CDC14A: variants seen among roughly 807,000 people sequenced by gnomAD.
CDC14A encodes the protein dual specificity protein phosphatase CDC14A.
Under a neutral mutation model 74.4 loss-of-function variants are expected in CDC14A, and 53 were observed. The observed-to-expected ratio is 0.71, with a 90% CI of 0.57 to 0.89. The LOEUF is 0.89. CDC14A is among the 40% of genes least tolerant of loss of function. The pLI is 0.00. For synonymous variants in CDC14A, 247 were observed against 258.4 expected (o/e 0.96, Z 0.43); for missense variants, 646 against 713.7 (o/e 0.91, Z 1.08).
At chr1:100,407,684 A>T (rs111349731) in intron 4 of CDC14A, among the ~76,000 whole-genome samples, 98 of 152,152 alleles carry the variant, frequency 6.4e-4, no homozygotes, top group African/African-American at 1.7e-3. Flanking sequence ...CTATTTGAAT[A>T]CCCTTTATTT....
At chr1:100,452,695 T>G (rs1666269792) in intron 7 of CDC14A, among the ~76,000 whole-genome samples, 1 of 152,220 alleles carries the variant, frequency 6.6e-6, no homozygotes. Context: ...TTATTTTGGA[T>G]TTTTCTTACA....
rs1037631227 is a variant in CDC14A, at chr1:100,352,827, C to T, written c.-128C>T. On this transcript the variant is annotated 5_prime_UTR_variant, in exon 1 of 16. Transcript: ENST00000336454. ...CCGCCTCCGCCTTCGGCGCCTGCTG[C>T]CTCCCTCGGCCAGGCTTGTTGTTCG... 4.7e-6 allele frequency: 7 copies of T among 1,496,958 alleles called. No individual in the cohort carries two copies. Among genetic ancestry groups the T allele is most frequent in the Admixed American group, 5.0e-5 (2 of 40,126 alleles). 92.7% of individuals were successfully genotyped at this position (1,496,958 alleles called of 1,614,324 possible).
At chr1:100,507,745 C>CCTCCACCTCCCAGGTT (rs1212694538) in intron 15 of CDC14A, among the ~76,000 whole-genome samples, 9 of 152,216 alleles carry the variant, frequency 5.9e-5, no homozygotes, top group African/African-American at 1.9e-4. Flanking sequence ...CTCACTGCAA[C>CCTCCACCTCCCAGGTT]CTCCACCTCC....
Position 100,508,129 on chromosome 1 carries a change from A to C in CDC14A, c.1755+8867A>C, listed in dbSNP as rs1649402014. ...TTCGTGAATTTTCTTTAATGTGTCC[A>C]TTCTGGAGTATATCCCCCAATCCAC... On this transcript the variant is annotated intron_variant, in intron 15 of 15. Transcript: ENST00000336454. The surrounding 1 kb of genome is among the most constrained non-coding windows in gnomAD (Gnocchi z 4.4). 6.6e-6 allele frequency among the ~76,000 whole-genome samples: 1 copy of C among 152,036 alleles called. No homozygotes were observed. Among genetic ancestry groups the C allele is most frequent in the Non-Finnish European group, 1.5e-5 (1 of 68,000 alleles).
At chr1:100,428,364 C>T (rs1663204980) in intron 5 of CDC14A, among the ~76,000 whole-genome samples, 1 of 152,106 alleles carries the variant, frequency 6.6e-6, no homozygotes, top group African/African-American at 2.4e-5. Context: ...TTAAGAGTGA[C>T]TTTAGGTGAA....
intron 11 of CDC14A, among the ~76,000 whole-genome samples, chr1:100,493,331 A>T (rs1481695224): frequency 6.6e-6 from 1 of 151,912 alleles, no homozygotes; most frequent in Admixed American, 6.6e-5. Flanking sequence ...TATTCAGGAA[A>T]CTCTGGCTCT....
rs778630946 is a variant in CDC14A, at chr1:100,518,279, A to G, written c.1784A>G (p.Ter595=). Residue 595 remains the stop codon, a stop_retained_variant, in exon 16 of 16, where the codon TAA becomes TGA. Coordinates refer to ENST00000336454, the MANE Select transcript of CDC14A (RefSeq NM_003672.4). ...CTTCAGTCTGAATATGTTCATTACT[A>G]AGGCCTTGCCACTCCAGTGAAAGCT... ...PSLQSEYVHY[*] The G allele has an allele frequency of 6.2e-7, 1 of 1,610,398 alleles. No individual in the cohort carries two copies. The highest frequency in any genetic ancestry group is 8.5e-7 in the Non-Finnish European group (1 of 1,176,920).
At chr1:100,370,329 T>G (rs1654295526) in intron 2 of CDC14A, among the ~76,000 whole-genome samples, 1 of 151,230 alleles carries the variant, frequency 6.6e-6, no homozygotes, top group Non-Finnish European at 1.5e-5. Context: ...CCTTTGTTGC[T>G]CAGGCTAGTC....
chr1:100,445,113 A>C (rs1055230171), intron 7 of CDC14A, among the ~76,000 whole-genome samples: 3 of 152,242 alleles, frequency 2.0e-5, no homozygotes, highest in African/African-American at 7.2e-5. Flanking sequence ...GAATTGAGCT[A>C]TACCACTTAT....
At chr1:100,378,609 A>G (rs1655641670) in intron 3 of CDC14A, among the ~76,000 whole-genome samples, 1 of 152,198 alleles carries the variant, frequency 6.6e-6, no homozygotes, top group African/African-American at 2.4e-5. Flanking sequence ...TGAATTTACA[A>G]ATTTTTGCCA....
intron 2 of CDC14A, among the ~76,000 whole-genome samples, chr1:100,367,996 G>C (rs1387792498): frequency 6.6e-6 from 1 of 152,144 alleles, no homozygotes; most frequent in African/African-American, 2.4e-5. Flanking sequence ...GTCCCAACTG[G>C]CTTTTTGGAA....
chr1:100,489,579 C>T lies in CDC14A; in HGVS notation c.1137+5128C>T, dbSNP rs941775458. Reference sequence around the variant, plus strand: ...TTTGTTCTTTCACTAGGTCATCACTCATGTTTTTTTTTTTTAATTGTACTT... The same window carrying T: ...TTTGTTCTTTCACTAGGTCATCACTTATGTTTTTTTTTTTTAATTGTACTT... On this transcript the variant is annotated intron_variant, in intron 11 of 15. Transcript: ENST00000336454. Among the ~76,000 whole-genome samples the T allele has an allele frequency of 3.3e-4, 16 of 49,080 alleles. 1 individual carries two copies. Among genetic ancestry groups the T allele is most frequent in the Admixed American group, 6.6e-4 (2 of 3,030 alleles). 32.2% of individuals were successfully genotyped at this position (49,080 alleles called of 152,430 possible).
At chr1:100,477,549 C>T (rs918792367) in intron 10 of CDC14A, among the ~76,000 whole-genome samples, 2 of 151,742 alleles carry the variant, frequency 1.3e-5, no homozygotes, top group African/African-American at 4.8e-5. Flanking sequence ...GAGACAAGGA[C>T]TTATCAAAAG....
chr1:100,420,063 C>CACACACACACAT, intron 4 of CDC14A, among the ~76,000 whole-genome samples: 3 of 61,598 alleles, frequency 4.9e-5, no homozygotes, highest in Admixed American at 2.3e-4. Flanking sequence ...CACACACACA[C>CACACACACACAT]ATATATATAT....
intron 10 of CDC14A, among the ~76,000 whole-genome samples, chr1:100,483,523 T>G (rs1161715860): frequency 3.3e-5 from 5 of 152,220 alleles, no homozygotes; most frequent in Admixed American, 2.6e-4. Context: ...TTCTATTCTG[T>G]ACAGTGTGTT....
intron 9 of CDC14A, among the ~76,000 whole-genome samples, 188 bp downstream of exon 9, chr1:100,463,069 A>G (rs992304467): frequency 6.6e-6 from 1 of 152,198 alleles, no homozygotes; most frequent in African/African-American, 2.4e-5. Flanking sequence ...GGTGTGGACA[A>G]TTGGTGGTGG....
chr1:100,479,076 A>G (rs1669198195), intron 10 of CDC14A, among the ~76,000 whole-genome samples: 1 of 152,214 alleles, frequency 6.6e-6, no homozygotes, highest in Non-Finnish European at 1.5e-5. Flanking sequence ...TGGTGCCAAT[A>G]GTATTTCGTA....
rs1649458613 is a variant in CDC14A, at chr1:100,508,745, G to C, written c.1755+9483G>C. 6.6e-6 allele frequency among the ~76,000 whole-genome samples: 1 copy of C among 152,132 alleles called. No homozygotes were observed. The highest frequency in any genetic ancestry group is 2.4e-5 in the African/African-American group (1 of 41,424). ...GAGCCTGACTCCACCCCTGATTTCA[G>C]GCCAGGGGCTTTCGACCTATGTACC... On this transcript the variant is annotated intron_variant, in intron 15 of 15. Coordinates refer to ENST00000336454, the MANE Select transcript of CDC14A (RefSeq NM_003672.4). The surrounding 1 kb of genome is among the most constrained non-coding windows in gnomAD (Gnocchi z 4.4).
At chr1:100,348,568 T>C (rs186613366), upstream of CDC14A, among the ~76,000 whole-genome samples, 13 of 152,302 alleles carry the variant, frequency 8.5e-5, no homozygotes, top group East Asian at 1.7e-3. Flanking sequence ...TAGTAAGCAA[T>C]TGGACAAATG....
Sources: gnomAD v4.1 joint callset for allele counts (sites outside exome capture counted in the v4.1 genomes callset) on GRCh38, gnomAD v4.1.1 for gene constraint, Gnocchi (gnomAD v3.1) non-coding constraint, MANE v1.5 for transcripts, NCBI Gene and HGNC (gene_info 2026-07-23, HGNC 2026-07-21) for gene names.